Variants in CFAP70 observed in about 807,000 individuals in gnomAD.
CFAP70 encodes the protein cilia- and flagella-associated protein 70.
CFAP70 carries 81 observed loss-of-function variants against 137.6 expected under a neutral mutation model. That is an observed-to-expected ratio of 0.59 (90% CI 0.49 to 0.71). The LOEUF is 0.71. Among genes scored for constraint, CFAP70 ranks in the 30% least tolerant of loss-of-function variants. The pLI, the probability that CFAP70 is intolerant of heterozygous loss-of-function variation, is 0.00. For missense variants in CFAP70, 976 were observed against 1,226.7 expected, an observed-to-expected ratio of 0.80 and a Z score of 3.05; for synonymous variants, 382 against 423.6, an observed-to-expected ratio of 0.90 and a Z score of 1.20.
chr10:73,289,259 TAA>T (rs1273629347), intron 19 of CFAP70, among the ~76,000 whole-genome samples: 1 of 152,076 alleles, frequency 6.6e-6, no homozygotes, highest in Non-Finnish European at 1.5e-5. Flanking sequence ...TTTAGAAGCA[TAA>T]ATCAATAATT....
chr10:73,294,013 C>T (rs2048361649), intron 15 of CFAP70: 1 of 152,072 alleles, frequency 6.6e-6, no homozygotes, highest in Non-Finnish European at 1.5e-5. Context: ...AGAAAGAGTC[C>T]ACAAAATTCT....
At chr10:73,273,358 A>G (rs1021426165) in intron 23 of CFAP70, among the ~76,000 whole-genome samples, 2 of 152,250 alleles carry the variant, frequency 1.3e-5, no homozygotes, top group African/African-American at 4.8e-5. Flanking sequence ...TTTCACTTAA[A>G]TGCAACATCA....
intron 25 of CFAP70, among the ~76,000 whole-genome samples, chr10:73,258,603 G>C (rs1278222277): frequency 2.6e-5 from 4 of 152,192 alleles, no homozygotes; most frequent in Non-Finnish European, 4.4e-5. Context: ...TAACTATTGG[G>C]CCTGACTGCC....
At chr10:73,352,102 C>T (rs2054325371) in intron 3 of CFAP70, among the ~76,000 whole-genome samples, 1 of 152,196 alleles carries the variant, frequency 6.6e-6, no homozygotes, top group Non-Finnish European at 1.5e-5. Flanking sequence ...ACTAGGCCTC[C>T]TCTGACACCA....
Position 73,322,539 on chromosome 10 carries a change from TG to T in CFAP70, c.912+423del, listed in dbSNP as rs1479096222. ...CAGTAGTGAGCTATGATTGTGCCAC[TG>T]CACTCCAAAGTGAGACCCACATCTC... On this transcript the variant is annotated intron_variant, in intron 9 of 26. Coordinates refer to ENST00000310715, the Ensembl canonical transcript of CFAP70. Among the ~76,000 whole-genome samples, 8 of 146,364 alleles carry T rather than the reference TG, an allele frequency of 5.5e-5. No individual in the cohort carries two copies. In the East Asian group the frequency reaches 1.6e-3, roughly 30 times the overall value.
chr10:73,279,904 T>A (rs1415954645), intron 19 of CFAP70, among the ~76,000 whole-genome samples: 3 of 152,036 alleles, frequency 2.0e-5, no homozygotes, highest in African/African-American at 7.2e-5. Context: ...AATTGCCGTT[T>A]ATTGGAAAGC....
intron 6 of CFAP70, among the ~76,000 whole-genome samples, chr10:73,337,670 C>T (rs996768985): frequency 1.3e-5 from 2 of 151,354 alleles, no homozygotes; most frequent in Admixed American, 6.6e-5. Flanking sequence ...TTTGGGAGGC[C>T]GAGGCAGGCA....
chr10:73,278,956 C>T lies in CFAP70; in HGVS notation c.2240-619G>A, dbSNP rs4443995. ...AGATCACGTCACTGCACTCCAGCCTCGGCATAGAGCGAGACTCCGTCTCAA... is the reference window on the plus strand; with the variant it reads ...AGATCACGTCACTGCACTCCAGCCTTGGCATAGAGCGAGACTCCGTCTCAA... On this transcript the variant is annotated intron_variant, in intron 19 of 26. Coordinates refer to ENST00000310715, the Ensembl canonical transcript of CFAP70. The T allele has an allele frequency of 4.3e-5, 6 of 139,616 alleles. No individual in the cohort carries two copies. The Admixed American group carries it at 4.7e-4, about 11-fold the overall frequency. The allele number at this position is 139,616 out of a possible 1,614,324, so 8.6% of individuals were successfully genotyped here.
At chr10:73,307,560 G>C (rs1360213747) in intron 12 of CFAP70, among the ~76,000 whole-genome samples, 1 of 152,082 alleles carries the variant, frequency 6.6e-6, no homozygotes, top group East Asian at 1.9e-4. Flanking sequence ...AGCTGAGATG[G>C]CTATATTACT....
At chr10:73,265,336 A>G (rs1053145789) in intron 25 of CFAP70, among the ~76,000 whole-genome samples, 3 of 149,656 alleles carry the variant, frequency 2.0e-5, no homozygotes, top group African/African-American at 5.0e-5. Context: ...AAAAAAAAAA[A>G]GAAGAAGAAG....
intron 8 of CFAP70, 32 bp downstream of exon 9, chr10:73,331,144 CT>C: frequency 1.3e-6 from 2 of 1,482,418 alleles, no homozygotes; most frequent in African/African-American, 1.4e-5. Context: ...TTCTACATTT[CT>C]TATATAAATA....
chr10:73,270,567 G>A (rs1306370974), intron 24 of CFAP70, among the ~76,000 whole-genome samples: 8 of 53,872 alleles, frequency 1.5e-4, no homozygotes, highest in Non-Finnish European at 2.8e-4. Flanking sequence ...ACAGAGTCTC[G>A]CTGTACTGCC....
intron 12 of CFAP70, among the ~76,000 whole-genome samples, chr10:73,305,034 C>T (rs999589848): frequency 1.3e-5 from 2 of 152,238 alleles, no homozygotes; most frequent in African/African-American, 4.8e-5. Flanking sequence ...CCCAGCTCAG[C>T]AGCAGTCTCA....
At position 73,329,913 on chromosome 10, in the gene CFAP70, G is replaced by A. The variant is rs79165574; in HGVS notation, c.777+1264C>T. On this transcript the variant is annotated intron_variant, in intron 8 of 26. Transcript: ENST00000310715. Reference sequence around the variant, plus strand: ...AGCACTATCTACCATGGATGAAGGCGGACGAATGACAGTCTCCTGTCATGT... The same window carrying A: ...AGCACTATCTACCATGGATGAAGGCAGACGAATGACAGTCTCCTGTCATGT... Among the ~76,000 whole-genome samples the A allele has an allele frequency of 2.3e-4, 35 of 152,064 alleles. No individual in the cohort carries two copies. In the East Asian group the frequency reaches 5.8e-3, roughly 25 times the overall value.
At chr10:73,312,689 A>T (rs770045727) in intron 9 of CFAP70, 46 bp from the exon 11 acceptor site, 1 of 1,457,020 alleles carries the variant, frequency 6.9e-7, no homozygotes. Flanking sequence ...CATGAGACAA[A>T]CTTGAAAGAA....
At chr10:73,338,140 C>T (rs1456391818) in intron 6 of CFAP70, among the ~76,000 whole-genome samples, 2 of 143,836 alleles carry the variant, frequency 1.4e-5, no homozygotes, top group South Asian at 2.3e-4. Flanking sequence ...TATATATATG[C>T]GGATTTTTTT....
intron 4 of CFAP70, chr10:73,345,128 G>A (rs777020808): frequency 6.2e-7 from 1 of 1,614,182 alleles, no homozygotes; most frequent in Admixed American, 1.7e-5. Context: ...TTGGAATGAA[G>A]GATTCAGGCA....
chr10:73,355,760 AGAGT>A (rs1270265390), intron 1 of CFAP70, among the ~76,000 whole-genome samples: 1 of 152,232 alleles, frequency 6.6e-6, no homozygotes, highest in Non-Finnish European at 1.5e-5. Context: ...CCTGGGCAAA[AGAGT>A]GACTCCGTCT....
intron 19 of CFAP70, among the ~76,000 whole-genome samples, chr10:73,286,901 AT>A (rs2047760292): frequency 6.6e-6 from 1 of 152,222 alleles, no homozygotes; most frequent in Non-Finnish European, 1.5e-5. Flanking sequence ...CTGGCTAGTT[AT>A]CTGCAGCAGA....
Sources: allele counts gnomAD v4.1 joint callset (sites outside exome capture counted in the v4.1 genomes callset), GRCh38; gene constraint gnomAD v4.1.1; transcripts MANE v1.5; gene names NCBI Gene and HGNC (gene_info 2026-07-23, HGNC 2026-07-21).